The following TLL1 variants were observed in gnomAD, a reference collection of about 807,000 sequenced individuals.
TLL1 encodes tolloid like 1.
TLL1 carries 49 observed loss-of-function variants against 128.2 expected under a neutral mutation model. The ratio of observed to expected loss-of-function variants is 0.38; its 90% CI spans 0.30 to 0.48. The LOEUF is 0.48. TLL1 is among the 20% of genes least tolerant of loss of function. The pLI is 0.96. For synonymous variants in TLL1, 454 were observed against 418.8 expected (o/e 1.08, Z -1.03); for missense variants, 1,123 against 1,242.0 (o/e 0.90, Z 1.44).
chr4:165,974,156 T>TTTTTTTTC (rs1735765449), intron 1 of TLL1, among the ~76,000 whole-genome samples: 1 of 122,084 alleles, frequency 8.2e-6, no homozygotes, highest in Non-Finnish European at 1.5e-5. Context: ...TTTTTTTTTT[T>TTTTTTTTC]TTGAGACGGA....
At chr4:166,093,415 C>G (rs1027413616) in intron 19 of TLL1, among the ~76,000 whole-genome samples, 3 of 152,152 alleles carry the variant, frequency 2.0e-5, no homozygotes, top group Non-Finnish European at 4.4e-5. Flanking sequence ...TTTCTCTCCG[C>G]CCAAACATCT....
chr4:165,967,951 TAAC>T (rs1735467047), intron 1 of TLL1, among the ~76,000 whole-genome samples: 1 of 152,230 alleles, frequency 6.6e-6, no homozygotes, highest in Non-Finnish European at 1.5e-5. Context: ...GATGTTTACA[TAAC>T]AACAATACAA....
At chr4:166,026,737 G>A (rs1738515397) in intron 9 of TLL1, among the ~76,000 whole-genome samples, 1 of 151,784 alleles carries the variant, frequency 6.6e-6, no homozygotes, top group African/African-American at 2.4e-5. Context: ...ATGAAAACAT[G>A]TCTGATCAAG....
At chr4:165,998,329 A>G (rs1224284613) in intron 5 of TLL1, among the ~76,000 whole-genome samples, 1 of 152,078 alleles carries the variant, frequency 6.6e-6, no homozygotes, top group Non-Finnish European at 1.5e-5. Context: ...CTCTCCTTTT[A>G]TTAGATAATT....
intron 1 of TLL1, among the ~76,000 whole-genome samples, chr4:165,887,919 G>A (rs542763154): frequency 6.6e-6 from 1 of 152,058 alleles, no homozygotes; most frequent in East Asian, 1.9e-4. Flanking sequence ...ATGATATAAT[G>A]TAGCTTTAAA....
intron 6 of TLL1, among the ~76,000 whole-genome samples, chr4:166,006,634 T>C (rs1737443386): frequency 6.6e-6 from 1 of 151,762 alleles, no homozygotes; most frequent in Non-Finnish European, 1.5e-5. Context: ...GCCTCTATCA[T>C]GGGTTGAAGA....
rs568726056 is a variant in TLL1 at position 166,099,222 on chromosome 4, T to C, written c.2657-55T>C. On this transcript the variant is annotated intron_variant, in intron 19 of 20. Coordinates refer to ENST00000061240, the MANE Select transcript of TLL1 (RefSeq NM_012464.5). ...CACTGAAACTACACTGAAATTTAAA[T>C]TGGACCCGTTAAAGCTCATTGACCT... 1.6e-5 allele frequency: 25 copies of C among 1,612,076 alleles called. No homozygotes were observed. The East Asian group carries it at 4.9e-4, about 32-fold the overall frequency.
At chr4:166,060,256 TA>T (rs71787595) in intron 15 of TLL1, 68 bp downstream of exon 15, 121,615 of 1,212,652 alleles carry the variant, frequency 0.1, 1 homozygote, top group South Asian at 0.16. Flanking sequence ...ACTGTGAAAT[TA>T]AAAAAAAAAA....
intron 13 of TLL1, among the ~76,000 whole-genome samples, chr4:166,056,033 A>T (rs1167503446): frequency 6.6e-6 from 1 of 152,116 alleles, no homozygotes; most frequent in Admixed American, 6.6e-5. Context: ...ATAGATATGT[A>T]AATATTGTCA....
intron 14 of TLL1, 139 bp from the exon 15 acceptor site, chr4:166,059,889 A>G (rs1276563764): frequency 1.0e-6 from 1 of 982,526 alleles, no homozygotes; most frequent in Admixed American, 1.9e-5. Context: ...AGGAGCAGAG[A>G]CTGCCATTTC....
At chr4:165,931,714 GTC>G (rs1733531547) in intron 1 of TLL1, among the ~76,000 whole-genome samples, 7 of 66,742 alleles carry the variant, frequency 1.0e-4, no homozygotes, top group Admixed American at 9.0e-4. Flanking sequence ...GTAAGACTCT[GTC>G]TCAAAAGAAA....
At chr4:166,010,611 G>A (rs941657327) in intron 7 of TLL1, among the ~76,000 whole-genome samples, 2 of 150,416 alleles carry the variant, frequency 1.3e-5, no homozygotes, top group Admixed American at 1.3e-4. Context: ...TTTTCATTCA[G>A]TTGGCTGTGT....
At chr4:165,993,350 G>A (rs1445706212) in intron 3 of TLL1, among the ~76,000 whole-genome samples, 1 of 151,892 alleles carries the variant, frequency 6.6e-6, no homozygotes, top group East Asian at 1.9e-4. Context: ...TAAACATTCA[G>A]AACTAATTAT....
intron 14 of TLL1, among the ~76,000 whole-genome samples, chr4:166,059,397 C>T (rs1560842698): frequency 6.6e-6 from 1 of 151,926 alleles, no homozygotes; most frequent in Non-Finnish European, 1.5e-5. Context: ...TTAAATAGAA[C>T]CTTTTAAAAA....
At chr4:165,941,144 G>A (rs1422556717) in intron 1 of TLL1, among the ~76,000 whole-genome samples, 1 of 151,986 alleles carries the variant, frequency 6.6e-6, no homozygotes, top group Non-Finnish European at 1.5e-5. Flanking sequence ...TGGTATGTAA[G>A]TTTGAAAGAC....
intron 9 of TLL1, among the ~76,000 whole-genome samples, chr4:166,035,675 C>G (rs1738965749): frequency 6.6e-6 from 1 of 152,040 alleles, no homozygotes; most frequent in South Asian, 2.1e-4. Flanking sequence ...TGAACAAAAG[C>G]TTAATGATCA....
intron 1 of TLL1, among the ~76,000 whole-genome samples, chr4:165,921,856 A>G (rs1415717936): frequency 7.2e-5 from 11 of 152,210 alleles, no homozygotes; most frequent in Non-Finnish European, 1.0e-4. Context: ...TAAACATTGC[A>G]TCACTGCATG....
In TLL1 at chr4:166,055,048, T is replaced by A. The variant is rs139088333; in HGVS notation, c.1525-28T>A. On this transcript the variant is annotated intron_variant, in intron 12 of 20. Coordinates refer to ENST00000061240, the MANE Select transcript of TLL1 (RefSeq NM_012464.5). The stretch of plus-strand genomic sequence containing the variant: ...ATAAAATGTTTTATCTATAAACATA[T>A]ATTTTCACATATTTTTTTCTGTTGC... The A allele has an allele frequency of 1.9e-6, 3 of 1,590,326 alleles. No individual in the cohort carries two copies. In the African/African-American group the frequency reaches 4.0e-5, roughly 21 times the overall value.
chr4:165,912,554 G>A (rs1354735766), intron 1 of TLL1, among the ~76,000 whole-genome samples: 1 of 152,210 alleles, frequency 6.6e-6, no homozygotes, highest in East Asian at 1.9e-4. Flanking sequence ...CCAGTTGCTT[G>A]GATTGGAATC....
Sources: allele counts gnomAD v4.1 joint callset (sites outside exome capture counted in the v4.1 genomes callset), GRCh38; gene constraint gnomAD v4.1.1; transcripts MANE v1.5; gene names NCBI Gene and HGNC (gene_info 2026-07-23, HGNC 2026-07-21).